Variants in CUBN observed in about 807,000 individuals in gnomAD.
CUBN encodes the protein cubilin, also known as 460 kDa receptor.
Under a neutral mutation model 405.3 loss-of-function variants are expected in CUBN, and 282 were observed. The observed-to-expected ratio is 0.70, with a 90% CI of 0.63 to 0.77. The LOEUF (loss-of-function observed/expected upper bound fraction) is 0.77, where lower values mean the gene tolerates loss of function less well. Among genes scored for constraint, CUBN ranks in the 30% least tolerant of loss-of-function variants. CUBN has a pLI of 0.00. For synonymous variants in CUBN, 1,684 were observed against 1,617.0 expected (o/e 1.04, Z -0.99); for missense variants, 4,514 against 4,475.2 (o/e 1.01, Z -0.25).
intron 27 of CUBN, among the ~76,000 whole-genome samples, chr10:17,020,523 A>G (rs375141571): frequency 7.2e-5 from 11 of 152,316 alleles, no homozygotes; most frequent in East Asian, 3.9e-4. Flanking sequence ...TAAAATAATC[A>G]GACATTTTAG....
intron 22 of CUBN, among the ~76,000 whole-genome samples, chr10:17,063,455 T>G (rs546540119): frequency 6.6e-6 from 1 of 152,348 alleles, no homozygotes; most frequent in African/African-American, 2.4e-5. Flanking sequence ...TGAGTTTCTA[T>G]GAAAACATCG....
At chr10:17,013,776 T>C (rs1306511626) in intron 28 of CUBN, among the ~76,000 whole-genome samples, 2 of 152,224 alleles carry the variant, frequency 1.3e-5, no homozygotes, top group African/African-American at 4.8e-5. Flanking sequence ...TGCTGGTCCC[T>C]GGGGGAAGAG....
intron 28 of CUBN, among the ~76,000 whole-genome samples, chr10:17,015,782 G>A (rs893796542): frequency 8.5e-5 from 13 of 152,070 alleles, no homozygotes; most frequent in South Asian, 2.1e-4. Flanking sequence ...ACGAGGGGGC[G>A]GCTTGTTTCT....
chr10:16,840,386 G>C lies in CUBN; in HGVS notation c.9976C>G (p.Gln3326Glu). The C allele has an allele frequency of 5.6e-6, 9 of 1,614,184 alleles. No homozygotes were observed. Among genetic ancestry groups the C allele is most frequent in the Non-Finnish European group, 6.8e-6 (8 of 1,180,036 alleles). ...TGCGTGCAGTCTTGCGAGGTCAGCT[G>C]TAATGCCCACACAGTTATCTTGACC... is the stretch of plus-strand genomic sequence containing the variant. ...QQVKITVWAL[Q>E]LTSQDCTQNY... The change falls in exon 62 of 67, where the codon CAG (glutamine) becomes GAG (glutamate). Residue 3326 changes from glutamine (Q) to glutamate (E), a missense_variant. Physicochemically the swap from Gln to Glu is conservative, Grantham distance 29 (BLOSUM62 2). Coordinates refer to ENST00000377833, the MANE Select transcript of CUBN (RefSeq NM_001081.4).
Position 16,901,377 on chromosome 10 carries a change from G to A in CUBN, c.8145C>T (p.Cys2715=). 1 of 1,614,066 alleles carries A rather than the reference G, an allele frequency of 6.2e-7. No individual in the cohort carries two copies. Among genetic ancestry groups the A allele is most frequent in the Non-Finnish European group, 8.5e-7 (1 of 1,179,936 alleles). ...CTTGTGGGGCCTCCAACAGCGAAGA[G>A]CAGTGGGTCAGGCTGTCATAAGCAT... ...YPNAYDSLTH[C]SSLLEAPQGH... The change falls in exon 52 of 67, where the codon TGC becomes TGT. Residue 2715 remains cysteine (C), a synonymous_variant. Transcript: ENST00000377833.
intron 28 of CUBN, among the ~76,000 whole-genome samples, chr10:17,001,058 A>C (rs1261220568): frequency 6.6e-6 from 1 of 152,100 alleles, no homozygotes; most frequent in Non-Finnish European, 1.5e-5. Flanking sequence ...TGCTGACTTC[A>C]GGTGTCAAGC....
intron 59 of CUBN, among the ~76,000 whole-genome samples, chr10:16,868,955 A>C (rs1840268079): frequency 6.6e-6 from 1 of 152,138 alleles, no homozygotes; most frequent in Admixed American, 6.5e-5. Context: ...TCCTCAATTC[A>C]TGTCCTCATT....
At chr10:16,955,392 A>G (rs1347782412) in intron 31 of CUBN, among the ~76,000 whole-genome samples, 1 of 151,100 alleles carries the variant, frequency 6.6e-6, no homozygotes, top group African/African-American at 2.4e-5. Flanking sequence ...AAAAAAAAAA[A>G]AAAAAAAAAA....
At chr10:17,020,981 G>A (rs1834483530) in intron 27 of CUBN, among the ~76,000 whole-genome samples, 1 of 152,144 alleles carries the variant, frequency 6.6e-6, no homozygotes, top group South Asian at 2.1e-4. Flanking sequence ...CCCACAAGCA[G>A]TTAACAGAGG....
intron 27 of CUBN, among the ~76,000 whole-genome samples, chr10:17,024,766 A>G (rs112160241): frequency 5.8e-4 from 89 of 152,218 alleles, no homozygotes; most frequent in African/African-American, 2.0e-3. Context: ...TCGGCTTCCC[A>G]AAGAGCTGAG....
intron 54 of CUBN, among the ~76,000 whole-genome samples, chr10:16,895,366 T>TAC (rs1174848799): frequency 5.6e-4 from 78 of 138,578 alleles, no homozygotes; most frequent in East Asian, 2.3e-3. Context: ...CACATATATA[T>TAC]ACACACACAC....
rs141513734 is a variant in CUBN, at chr10:16,840,997, A to G, written c.9714T>C (p.Gly3238=). Residue 3238 remains glycine, a synonymous_variant, in exon 61 of 67, where the codon GGT becomes GGC. Transcript: ENST00000377833. ...ENANLAGTFC[G]STVPAPFISS... ...AGATAAAAGGAGCAGGTACTGTGGA[A>G]CCACAAAACGTTCCAGCCAAGTTCG... 7.9e-5 allele frequency: 127 copies of G among 1,614,068 alleles called. No homozygotes were observed. The highest frequency in any genetic ancestry group is 9.9e-5 in the Non-Finnish European group (117 of 1,180,014).
At chr10:17,034,885 A>G (rs2131808075) in intron 27 of CUBN, among the ~76,000 whole-genome samples, 1 of 152,292 alleles carries the variant, frequency 6.6e-6, no homozygotes, top group South Asian at 2.1e-4. Flanking sequence ...CTCTTCATAT[A>G]AAGGAGACAG....
chr10:17,105,047 C>T (rs188604841), intron 11 of CUBN, among the ~76,000 whole-genome samples: 9 of 151,816 alleles, frequency 5.9e-5, no homozygotes, highest in Admixed American at 3.9e-4. Context: ...GTGATGCACC[C>T]GCCTCACCCT....
rs139153235 is a variant in CUBN, at chr10:16,933,244, C to G, written c.5967G>C (p.Val1989=). Reference sequence around the variant, plus strand: ...CAGGCCAGCCCGGGGAGAAGAGAAACACGGGTGCATCTCCCGTCCTCAGGA... The same window carrying G: ...CAGGCCAGCCCGGGGAGAAGAGAAAGACGGGTGCATCTCCCGTCCTCAGGA... ...GGFLRTGDAP[V]FLFSPGWPDS... The change falls in exon 40 of 67, where the codon GTG becomes GTC. Residue 1989 remains valine (V), a synonymous_variant. Coordinates refer to ENST00000377833, the MANE Select transcript of CUBN (RefSeq NM_001081.4). The G allele has an allele frequency of 2.0e-4, 326 of 1,613,966 alleles. 1 individual carries two copies. The African/African-American group carries it at 4.1e-3, about 20-fold the overall frequency.
At chr10:16,827,096 T>C (rs2131296760) in intron 66 of CUBN, among the ~76,000 whole-genome samples, 1 of 152,300 alleles carries the variant, frequency 6.6e-6, no homozygotes, top group Middle Eastern at 3.4e-3. Context: ...TCTCACCAAG[T>C]AATGTAACTA....
chr10:17,081,075 C>T (rs1835955558), intron 17 of CUBN, among the ~76,000 whole-genome samples: 1 of 152,116 alleles, frequency 6.6e-6, no homozygotes, highest in South Asian at 2.1e-4. Context: ...AGATATGCTA[C>T]ACTGGGTCAA....
intron 22 of CUBN, among the ~76,000 whole-genome samples, chr10:17,055,405 G>T (rs1344584872): frequency 6.6e-6 from 1 of 151,990 alleles, no homozygotes; most frequent in Non-Finnish European, 1.5e-5. Flanking sequence ...TGCACAGAAA[G>T]TTCTAGCCAT....
chr10:16,968,649 C>T (rs1447280706), intron 31 of CUBN, among the ~76,000 whole-genome samples: 1 of 152,226 alleles, frequency 6.6e-6, no homozygotes, highest in Non-Finnish European at 1.5e-5. Context: ...CACTGAGCTA[C>T]AAGCAGCCTT....
Sources: gnomAD v4.1 joint callset for allele counts (sites outside exome capture counted in the v4.1 genomes callset) on GRCh38, gnomAD v4.1.1 for gene constraint, MANE v1.5 for transcripts, NCBI Gene and HGNC (gene_info 2026-07-23, HGNC 2026-07-21) for gene names.